PUS7: variants seen among roughly 807,000 people sequenced by gnomAD.
The protein encoded by PUS7 is pseudouridine synthase 7, also known as pseudouridylate synthase 7 homolog.
Under a neutral mutation model 79.8 loss-of-function variants are expected in PUS7, and 48 were observed. That is an observed-to-expected ratio of 0.60 (90% confidence interval 0.48 to 0.76). The LOEUF (loss-of-function observed/expected upper bound fraction) is 0.76. PUS7 is among the 30% of genes least tolerant of loss of function. The probability of loss-of-function intolerance (pLI) is 0.00; values close to 1 mark genes in which losing one functional copy is unlikely to be tolerated. For missense variants in PUS7, 729 were observed against 797.6 expected (o/e 0.91, Z 1.04); for synonymous variants, 286 against 272.2 (o/e 1.05, Z -0.50).
At chr7:105,513,548 G>A (rs548767216) in intron 1 of PUS7, among the ~76,000 whole-genome samples, 189 of 152,334 alleles carry the variant, frequency 1.2e-3, no homozygotes, top group Non-Finnish European at 2.1e-3. Context: ...GGCTGGGCGC[G>A]GTGGCTCACG....
At chr7:105,469,632 G>A (rs555346450) in intron 11 of PUS7, among the ~76,000 whole-genome samples, 5 of 152,176 alleles carry the variant, frequency 3.3e-5, no homozygotes, top group African/African-American at 1.2e-4. Flanking sequence ...GCTATTTTTT[G>A]TATTTTTAGT....
rs112752687 is a variant in PUS7, at chr7:105,505,003, A to ATTTTTTTTTTTTTTTTTTTTTT, written c.585+951_585+952insAAAAAAAAAAAAAAAAAAAAAA. ...TGTAGTACAAAATTAATTTAACATA[A>ATTTTTTTTTTTTTTTTTTTTTT]TTTTTTTTTTTTTTTGATATGGAGT... On this transcript the variant is annotated intron_variant, in intron 4 of 15. Coordinates refer to ENST00000469408, the MANE Select transcript of PUS7 (RefSeq NM_019042.5). 2.7e-3 allele frequency among the ~76,000 whole-genome samples: 382 copies of ATTTTTTTTTTTTTTTTTTTTTT among 142,582 alleles called. 15 individuals carry two copies. The highest frequency in any genetic ancestry group is 0.014 in the Middle Eastern group (4 of 276). 93.5% of individuals were successfully genotyped at this position (142,582 alleles called of 152,430 possible).
At chr7:105,482,216 A>G in intron 8 of PUS7, 96 bp downstream of exon 8, 1 of 1,406,858 alleles carries the variant, frequency 7.1e-7, no homozygotes, top group Non-Finnish European at 9.8e-7. Flanking sequence ...TTCTGTTAGT[A>G]CCAGCTCACC....
chr7:105,501,610 A>G (rs993496645), intron 5 of PUS7, among the ~76,000 whole-genome samples: 1 of 152,164 alleles, frequency 6.6e-6, no homozygotes, highest in South Asian at 2.1e-4. Context: ...ACAGTTGGAA[A>G]GCAAAAGCTC....
chr7:105,491,627 G>A lies in PUS7; in HGVS notation c.843-10C>T. ...TATATTTGGCTTGACTCTGGTAAGA[G>A]AGAAACAAGATCATCTGAAGTCACA... On this transcript the variant is annotated splice_polypyrimidine_tract_variant and intron_variant, in intron 6 of 15. Coordinates refer to ENST00000469408, the MANE Select transcript of PUS7 (RefSeq NM_019042.5). The A allele has an allele frequency of 6.7e-7, 1 of 1,496,888 alleles. No homozygotes were observed. The highest frequency in any genetic ancestry group is 9.3e-7 in the Non-Finnish European group (1 of 1,075,292). 92.7% of individuals were successfully genotyped at this position (1,496,888 alleles called of 1,614,324 possible). A position where few individuals can be genotyped will look rare whatever the true frequency, so the allele number is the denominator to read the frequency against.
At chr7:105,515,791 T>TTTAATTTATTTATTTA (rs59653781) in intron 1 of PUS7, among the ~76,000 whole-genome samples, 4 of 121,240 alleles carry the variant, frequency 3.3e-5, no homozygotes, top group South Asian at 2.9e-4. Flanking sequence ...TTTTATTTTA[T>TTTAATTTATTTATTTA]TTTATTTATT....
intron 6 of PUS7, 56 bp from the exon 7 acceptor site, chr7:105,491,673 A>C: frequency 1.0e-6 from 1 of 1,003,296 alleles, no homozygotes; most frequent in South Asian, 1.4e-5. Flanking sequence ...TTATAAGGAA[A>C]TCCTAATTCT....
chr7:105,464,813 C>CTT (rs71152985), intron 13 of PUS7, among the ~76,000 whole-genome samples: 31 of 95,188 alleles, frequency 3.3e-4, no homozygotes, highest in African/African-American at 9.3e-4. Context: ...CCCCTCTTCC[C>CTT]TTTTTTTTTT....
At chr7:105,469,823 C>A (rs1479544710) in intron 11 of PUS7, among the ~76,000 whole-genome samples, 3 of 152,130 alleles carry the variant, frequency 2.0e-5, no homozygotes, top group Non-Finnish European at 4.4e-5. Context: ...GAACTCCTAG[C>A]CTCAAGTGAT....
At chr7:105,506,421 T>C (rs1825462462) in intron 2 of PUS7, 148 bp from the exon 3 acceptor site, 5 of 582,382 alleles carry the variant, frequency 8.6e-6, no homozygotes, top group Admixed American at 3.4e-5. Flanking sequence ...GAGTTAATTT[T>C]TTTTTTCTTT....
chr7:105,505,158 G>A (rs1471587035), intron 4 of PUS7, among the ~76,000 whole-genome samples: 2 of 151,680 alleles, frequency 1.3e-5, no homozygotes, highest in African/African-American at 4.8e-5. Flanking sequence ...GCGCTACCAC[G>A]CTTGGCTAAT....
chr7:105,493,116 T>C (rs1378549611), intron 6 of PUS7, among the ~76,000 whole-genome samples: 1 of 152,230 alleles, frequency 6.6e-6, no homozygotes, highest in Non-Finnish European at 1.5e-5. Flanking sequence ...ATTCTAGAGA[T>C]ATAATGTACC....
chr7:105,502,359 G>A (rs190994518), intron 5 of PUS7, 61 bp downstream of exon 5: 43 of 1,596,092 alleles, frequency 2.7e-5, no homozygotes, highest in Non-Finnish European at 3.5e-5. Flanking sequence ...CAAGGCTAAC[G>A]AGGAGCGGGG....
intron 6 of PUS7, among the ~76,000 whole-genome samples, chr7:105,492,383 G>A (rs893956173): frequency 8.6e-5 from 13 of 151,860 alleles, no homozygotes; most frequent in Admixed American, 1.3e-4. Flanking sequence ...GGAGTGCAGC[G>A]GCACAATCTT....
intron 9 of PUS7, among the ~76,000 whole-genome samples, chr7:105,480,405 G>A (rs981821560): frequency 6.6e-6 from 1 of 152,130 alleles, no homozygotes; most frequent in Non-Finnish European, 1.5e-5. Context: ...AACCTGGGAG[G>A]TGGAGATTGC....
intron 7 of PUS7, among the ~76,000 whole-genome samples, chr7:105,484,675 C>T (rs541161553): frequency 9.9e-5 from 15 of 151,270 alleles, no homozygotes; most frequent in South Asian, 8.4e-4. Context: ...AAAAATTAGC[C>T]GGGTGTGGTG....
At chr7:105,466,549 A>G (rs1475461468) in intron 12 of PUS7, among the ~76,000 whole-genome samples, 1 of 152,132 alleles carries the variant, frequency 6.6e-6, no homozygotes, top group Non-Finnish European at 1.5e-5. Flanking sequence ...TACTGCACCA[A>G]ATCTGAAGTA....
At chr7:105,496,224 T>TAGAGAGAGAGAGAG (rs1562809031) in intron 5 of PUS7, among the ~76,000 whole-genome samples, 42 of 83,996 alleles carry the variant, frequency 5.0e-4, no homozygotes, top group East Asian at 7.5e-4. Flanking sequence ...TATATATATA[T>TAGAGAGAGAGAGAG]ATAGAGAGAG....
intron 11 of PUS7, among the ~76,000 whole-genome samples, chr7:105,468,687 T>G (rs1823758793): frequency 6.6e-6 from 1 of 151,476 alleles, no homozygotes; most frequent in Non-Finnish European, 1.5e-5. Context: ...CTGTCTAATT[T>G]TTGTATTTTT....
Sources: gnomAD v4.1 joint callset for allele counts (sites outside exome capture counted in the v4.1 genomes callset) on GRCh38, gnomAD v4.1.1 for gene constraint, MANE v1.5 for transcripts, NCBI Gene and HGNC (gene_info 2026-07-23, HGNC 2026-07-21) for gene names.